The following BDKRB2 variants were observed in gnomAD, a reference collection of about 807,000 sequenced individuals.
BDKRB2 encodes bradykinin receptor B2, also known as B2 bradykinin receptor.
A neutral mutation model predicts 4.0 loss-of-function variants in BDKRB2; 6 were observed. The observed-to-expected ratio is 1.49, with a 90% CI of 0.81 to 2.93. BDKRB2 has a LOEUF of 2.93. Ranked by LOEUF, BDKRB2 falls within the 30% of genes most tolerant of loss-of-function variation. The probability of loss-of-function intolerance (pLI) is 0.00; values close to 1 mark genes in which losing one functional copy is unlikely to be tolerated. For missense variants in BDKRB2, 478 were observed against 520.1 expected, an observed-to-expected ratio of 0.92 and a Z score of 0.79; for synonymous variants, 225 against 215.3, an observed-to-expected ratio of 1.05 and a Z score of -0.40.
At chr14:96,227,238 A>T (rs1018674115) in intron 1 of BDKRB2, among the ~76,000 whole-genome samples, 4 of 152,204 alleles carry the variant, frequency 2.6e-5, no homozygotes, top group African/African-American at 7.2e-5. Context: ...AAACACTGGC[A>T]TTTCTGGAGT....
At chr14:96,217,395 T>A (rs139288897) in intron 1 of BDKRB2, among the ~76,000 whole-genome samples, 1 of 152,226 alleles carries the variant, frequency 6.6e-6, no homozygotes, top group Non-Finnish European at 1.5e-5. Context: ...AAATAATCTA[T>A]CTTATCATCC....
intron 2 of BDKRB2, chr14:96,237,908 T>A: frequency 7.9e-7 from 1 of 1,262,472 alleles, no homozygotes; most frequent in Non-Finnish European, 1.0e-6. Context: ...CATCTGGTGC[T>A]ATACTTTGGT....
In BDKRB2 at chr14:96,240,646, GGCCTGCGGGCT is replaced by G. The variant is rs1485489100; in HGVS notation, c.322_332del (p.Cys108LeufsTer93). 1 of 1,567,790 alleles carries G rather than the reference GGCCTGCGGGCT, an allele frequency of 6.4e-7. No individual in the cohort carries two copies. On this transcript the variant is annotated frameshift_variant, in exon 3 of 3. Transcript: ENST00000554311. LOFTEE classifies it low-confidence loss of function (END_TRUNC). ...ACCTGGCCGCAGCAGACCTGATCCT[GGCCTGCGGGCT>G]GCCCTTCTGGGCCATCACCATCTCC...
chr14:96,234,944 A>G (rs1890897785), intron 1 of BDKRB2, among the ~76,000 whole-genome samples: 2 of 152,204 alleles, frequency 1.3e-5, no homozygotes, highest in Non-Finnish European at 2.9e-5. Context: ...TCAGCTGGAC[A>G]GTTCAGCCCG....
intron 2 of BDKRB2, chr14:96,239,729 C>T (rs1885221649): frequency 1.0e-6 from 1 of 960,624 alleles, no homozygotes; most frequent in South Asian, 4.8e-5. Flanking sequence ...CGTTAAGTAA[C>T]TTCCCCAGCG....
chr14:96,237,248 G>A (rs1890957530), intron 2 of BDKRB2, 67 bp downstream of exon 2: 9 of 1,430,232 alleles, frequency 6.3e-6, no homozygotes, highest in Non-Finnish European at 7.9e-6. Flanking sequence ...AGAACTCCCT[G>A]GAAAGCTCAA....
intron 1 of BDKRB2, among the ~76,000 whole-genome samples, chr14:96,229,836 A>T (rs927553541): frequency 2.6e-5 from 4 of 152,194 alleles, no homozygotes; most frequent in Admixed American, 2.0e-4. Context: ...AATTGAAAAT[A>T]AAATTAAATT....
intron 2 of BDKRB2, chr14:96,238,775 C>A: frequency 1.0e-6 from 1 of 985,912 alleles, no homozygotes. Context: ...ACCTCCAACC[C>A]CTTACCCACC....
chr14:96,205,422 T>C (rs566480585), intron 1 of BDKRB2, among the ~76,000 whole-genome samples: 7 of 150,776 alleles, frequency 4.6e-5, no homozygotes, highest in African/African-American at 7.3e-5. Flanking sequence ...CCTCAGTTTC[T>C]CTGTCTGCAA....
rs1885373902 is a variant in BDKRB2, at chr14:96,243,963, C to T, written c.*2459C>T. On this transcript the variant is annotated 3_prime_UTR_variant, in exon 3 of 3. Coordinates refer to ENST00000554311, the MANE Select transcript of BDKRB2 (RefSeq NM_001379692.1). ...GCCGCAATGGCCATGTGGGGATCCA[C>T]ACCTGGTCTGAGGGGCAACTGAGTC... The T allele has an allele frequency of 5.2e-6, 2 of 382,980 alleles. No individual in the cohort carries two copies. Among genetic ancestry groups the T allele is most frequent in the African/African-American group, 2.1e-5 (1 of 48,378 alleles). 23.7% of individuals were successfully genotyped at this position (382,980 alleles called of 1,614,324 possible).
chr14:96,205,418 T>C (rs1890151676), intron 1 of BDKRB2, among the ~76,000 whole-genome samples: 1 of 151,340 alleles, frequency 6.6e-6, no homozygotes, highest in Admixed American at 6.6e-5. Context: ...TGAGCCTCAG[T>C]TTCTCTGTCT....
intron 1 of BDKRB2, among the ~76,000 whole-genome samples, chr14:96,235,815 G>A (rs1486165844): frequency 2.0e-5 from 3 of 150,642 alleles, no homozygotes; most frequent in Non-Finnish European, 4.4e-5. Flanking sequence ...ACCCACACAT[G>A]CACACACACA....
At chr14:96,231,670 C>T (rs1890821777) in intron 1 of BDKRB2, among the ~76,000 whole-genome samples, 1 of 152,132 alleles carries the variant, frequency 6.6e-6, no homozygotes, top group South Asian at 2.1e-4. Context: ...GCCTTGACAT[C>T]GACTTGCTGG....
chr14:96,214,927 G>T (rs1022571182), intron 1 of BDKRB2: 1 of 152,192 alleles, frequency 6.6e-6, no homozygotes, highest in Non-Finnish European at 1.5e-5. Context: ...CTGCAGCAGC[G>T]AATGCATCAG....
intron 1 of BDKRB2, among the ~76,000 whole-genome samples, chr14:96,230,764 C>G (rs544539441): frequency 2.0e-4 from 31 of 152,196 alleles, no homozygotes; most frequent in East Asian, 1.4e-3. Context: ...TTATAGGCAC[C>G]CACCATCATG....
Position 96,243,431 on chromosome 14 carries a change from C to G in BDKRB2, c.*1927C>G, listed in dbSNP as rs201220162. 3.3e-5 allele frequency: 5 copies of G among 149,258 alleles called. No individual in the cohort carries two copies. Among genetic ancestry groups the G allele is most frequent in the Admixed American group, 2.7e-4 (4 of 14,842 alleles). The allele number at this position is 149,258 out of a possible 1,614,324, so 9.2% of individuals were successfully genotyped here. A position where few individuals can be genotyped will look rare whatever the true frequency, so the allele number is the denominator to read the frequency against. On this transcript the variant is annotated 3_prime_UTR_variant, in exon 3 of 3. Transcript: ENST00000554311. ...AGGGCTAGAACCTGGAGGGCTAGAA[C>G]CTGGCAGGTTAGAACCTAGAAGGGC...
intron 1 of BDKRB2, among the ~76,000 whole-genome samples, chr14:96,231,107 A>G (rs1215823521): frequency 6.6e-6 from 1 of 152,228 alleles, no homozygotes; most frequent in Non-Finnish European, 1.5e-5. Flanking sequence ...CAAGAATAAA[A>G]TAAGTTCCGG....
intron 1 of BDKRB2, among the ~76,000 whole-genome samples, chr14:96,217,305 G>A (rs551743783): frequency 6.6e-6 from 1 of 152,346 alleles, no homozygotes; most frequent in South Asian, 2.1e-4. Context: ...CACTACAATG[G>A]TGAGGCCCAC....
intron 1 of BDKRB2, among the ~76,000 whole-genome samples, chr14:96,219,860 G>A (rs1055776587): frequency 5.3e-5 from 8 of 151,866 alleles, no homozygotes; most frequent in Non-Finnish European, 1.0e-4. Context: ...CATCAAGCAG[G>A]TTCTGAAGGA....
Sources: gnomAD v4.1 joint callset for allele counts (sites outside exome capture counted in the v4.1 genomes callset) on GRCh38, gnomAD v4.1.1 for gene constraint, MANE v1.5 for transcripts, NCBI Gene and HGNC (gene_info 2026-07-23, HGNC 2026-07-21) for gene names.